Variants in FBN1 observed in about 807,000 individuals in gnomAD.
FBN1 encodes fibrillin-1.
A neutral mutation model predicts 365.1 loss-of-function variants in FBN1; 29 were observed. The ratio of observed to expected loss-of-function variants is 0.08; its 90% CI spans 0.06 to 0.11. The LOEUF (loss-of-function observed/expected upper bound fraction) is 0.11. FBN1 is among the 10% of genes least tolerant of loss of function. The pLI, the probability that FBN1 is intolerant of heterozygous loss-of-function variation, is 1.00. For missense variants in FBN1, 2,476 were observed against 3,703.2 expected, an observed-to-expected ratio of 0.67 and a Z score of 8.60; for synonymous variants, 1,210 against 1,270.5, an observed-to-expected ratio of 0.95 and a Z score of 1.01.
At chr15:48,469,153 T>C (rs1006035601) in intron 36 of FBN1, among the ~76,000 whole-genome samples, 10 of 129,626 alleles carry the variant, frequency 7.7e-5, no homozygotes, top group African/African-American at 2.8e-4. Context: ...TATATATATA[T>C]AACTTTGGCA....
intron 58 of FBN1, 22 bp from the exon 59 acceptor site, chr15:48,425,886 T>G (rs1389190544): frequency 6.4e-7 from 1 of 1,570,350 alleles, no homozygotes; most frequent in Non-Finnish European, 8.8e-7. Context: ...CAAATATAAA[T>G]TAAGAAATAT....
chr15:48,413,102 A>G (rs2042877335), intron 64 of FBN1, among the ~76,000 whole-genome samples: 1 of 152,232 alleles, frequency 6.6e-6, no homozygotes, highest in Admixed American at 6.5e-5. Flanking sequence ...TTGGGAGGCT[A>G]AATAAAAATG....
chr15:48,455,552 C>T (rs184023267), intron 44 of FBN1, among the ~76,000 whole-genome samples: 67 of 152,290 alleles, frequency 4.4e-4, no homozygotes, highest in Non-Finnish European at 8.4e-4. Context: ...GATCATCTGC[C>T]GTGGGTTCCC....
chr15:48,515,290 T>C, intron 12 of FBN1, 97 bp downstream of exon 12: 1 of 1,398,876 alleles, frequency 7.1e-7, no homozygotes, highest in Non-Finnish European at 1.0e-6. Flanking sequence ...AGCCACCAAG[T>C]TTGGGGTAAG....
chr15:48,451,203 G>A (rs1411789354), intron 45 of FBN1, among the ~76,000 whole-genome samples: 2 of 152,198 alleles, frequency 1.3e-5, no homozygotes, highest in East Asian at 3.8e-4. Flanking sequence ...GTGAAATGGT[G>A]TGAAATGACT....
At position 48,409,630 on chromosome 15, in the gene FBN1, T is replaced by C. The variant is rs1299904168; in HGVS notation, c.*1360A>G. The C allele has an allele frequency of 6.6e-6, 1 of 152,066 alleles. No individual in the cohort carries two copies. The highest frequency in any genetic ancestry group is 1.5e-5 in the Non-Finnish European group (1 of 68,026). The allele number at this position is 152,066 out of a possible 1,614,324, so 9.4% of individuals were successfully genotyped here. On this transcript the variant is annotated 3_prime_UTR_variant, in exon 66 of 66. Transcript: ENST00000316623. ...CAGTCTGGGATTATCCCTTTGTAAT[T>C]AGATGAGCATTGACTAACGAAAGAT...
intron 2 of FBN1, among the ~76,000 whole-genome samples, chr15:48,639,841 A>C (rs139026732): frequency 7.5e-4 from 114 of 152,316 alleles, no homozygotes; most frequent in African/African-American, 2.7e-3. Context: ...GAAATTGTTA[A>C]AAGAATGTAT....
At chr15:48,487,971 C>G in intron 27 of FBN1, 142 bp downstream of exon 27, 1 of 1,101,736 alleles carries the variant, frequency 9.1e-7, no homozygotes, top group Non-Finnish European at 1.4e-6. Context: ...CTTTCTACCT[C>G]AGTCTCCCTC....
At chr15:48,563,112 TC>T (rs1382111334) in intron 6 of FBN1, among the ~76,000 whole-genome samples, 1 of 152,158 alleles carries the variant, frequency 6.6e-6, no homozygotes, top group Non-Finnish European at 1.5e-5. Flanking sequence ...CATAGTCCTG[TC>T]TAGAACTTCT....
At chr15:48,446,381 T>C (rs1298253681) in intron 47 of FBN1, among the ~76,000 whole-genome samples, 3 of 152,190 alleles carry the variant, frequency 2.0e-5, no homozygotes, top group Non-Finnish European at 4.4e-5. Flanking sequence ...TAGTTATTGA[T>C]GTTAATCTAT....
intron 2 of FBN1, among the ~76,000 whole-genome samples, chr15:48,613,935 A>G (rs1413972614): frequency 5.3e-5 from 8 of 152,184 alleles, no homozygotes; most frequent in Non-Finnish European, 8.8e-5. Context: ...CTCCAAAAAC[A>G]AAAAGTTTGG....
intron 6 of FBN1, among the ~76,000 whole-genome samples, chr15:48,563,215 G>A (rs910785711): frequency 2.0e-5 from 3 of 152,112 alleles, no homozygotes; most frequent in Non-Finnish European, 2.9e-5. Context: ...GAAAACAGGC[G>A]GCCAGCTCTC....
Position 48,428,440 on chromosome 15 carries a change from G to A in FBN1, c.6903C>T (p.Ile2301=), listed in dbSNP as rs146930301. ...DENECQTKPG[I]CENGRCLNTR... ...TGTTGAGGCAGCGCCCATTCTCACAGATCCCTGGCTTCGTCTGACATTCAT... is the reference window on the plus strand; with the variant it reads ...TGTTGAGGCAGCGCCCATTCTCACAAATCCCTGGCTTCGTCTGACATTCAT... The change falls in exon 57 of 66, where the codon ATC becomes ATT. Residue 2301 remains isoleucine (I), a synonymous_variant. Coordinates refer to ENST00000316623, the MANE Select transcript of FBN1 (RefSeq NM_000138.5). 6.2e-6 allele frequency: 10 copies of A among 1,613,968 alleles called. No homozygotes were observed. In the African/African-American group the frequency reaches 1.3e-4, roughly 22 times the overall value.
chr15:48,642,090 C>T (rs1352619166), intron 2 of FBN1: 1 of 152,184 alleles, frequency 6.6e-6, no homozygotes, highest in Non-Finnish European at 1.5e-5. Context: ...AGGTTCTATA[C>T]AACAAGAAAA....
At chr15:48,608,870 C>T (rs1354307854) in intron 4 of FBN1, among the ~76,000 whole-genome samples, 2 of 152,224 alleles carry the variant, frequency 1.3e-5, no homozygotes, top group African/African-American at 2.4e-5. Flanking sequence ...CCTGTCTCCA[C>T]ATCTCATGAT....
intron 36 of FBN1, among the ~76,000 whole-genome samples, chr15:48,469,892 G>A (rs2043356834): frequency 6.6e-6 from 1 of 152,118 alleles, no homozygotes; most frequent in Non-Finnish European, 1.5e-5. Flanking sequence ...TTTGCAGGGT[G>A]GTGGTGGTGG....
In FBN1 at chr15:48,463,132, A is replaced by G; in HGVS notation, c.5174T>C (p.Ile1725Thr). ...ACAGGGCTTGTTCCACGCCCGGCCA[A>G]TGTTGTAGGAACAGCAGCACATCTT... is the stretch of plus-strand genomic sequence containing the variant. ...TKKMCCCSYN[I>T]GRAWNKPCEQ... Residue 1725 changes from isoleucine to threonine, a missense_variant, in exon 42 of 66, where the codon ATT becomes ACT. Transcript: ENST00000316623. The G allele has an allele frequency of 1.2e-6, 2 of 1,614,144 alleles. No homozygotes were observed. Among genetic ancestry groups the G allele is most frequent in the Non-Finnish European group, 1.7e-6 (2 of 1,179,966 alleles).
chr15:48,539,903 T>C (rs1238326517), intron 6 of FBN1, among the ~76,000 whole-genome samples: 2 of 152,210 alleles, frequency 1.3e-5, no homozygotes, highest in Non-Finnish European at 2.9e-5. Flanking sequence ...GCCAGATTTA[T>C]TCAAAACCTG....
At position 48,456,622 on chromosome 15, in the gene FBN1, C is replaced by T. The variant is rs2141260248; in HGVS notation, c.5422+15G>A. The T allele has an allele frequency of 2.5e-6, 4 of 1,612,918 alleles. No individual in the cohort carries two copies. Among genetic ancestry groups the T allele is most frequent in the Non-Finnish European group, 3.4e-6 (4 of 1,179,546 alleles). On this transcript the variant is annotated intron_variant, in intron 44 of 65. Transcript: ENST00000316623. ...AGCTCTTTTCTGGATATGATAAAGT[C>T]ATGATGCCACTTACCTTCACAAACC... is the stretch of plus-strand genomic sequence containing the variant.
Sources: gnomAD v4.1 joint callset for allele counts (sites outside exome capture counted in the v4.1 genomes callset) on GRCh38, gnomAD v4.1.1 for gene constraint, MANE v1.5 for transcripts, NCBI Gene and HGNC (gene_info 2026-07-23, HGNC 2026-07-21) for gene names.